Variants in AP1S2 observed in about 807,000 individuals in gnomAD.
AP1S2 encodes the protein AP-1 complex subunit sigma-2.
Under a neutral mutation model 14.3 loss-of-function variants are expected in AP1S2, and 1 was observed. That is an observed-to-expected ratio of 0.07 (90% confidence interval 0.02 to 0.33). The LOEUF (loss-of-function observed/expected upper bound fraction) is 0.33, where lower values mean the gene tolerates loss of function less well. Among genes scored for constraint, AP1S2 ranks in the 10% least tolerant of loss-of-function variants. The probability of loss-of-function intolerance (pLI) is 0.99; values close to 1 mark genes in which losing one functional copy is unlikely to be tolerated. For missense variants in AP1S2, 30 were observed against 117.7 expected, an observed-to-expected ratio of 0.25 and a Z score of 3.45; for synonymous variants, 30 against 40.5, an observed-to-expected ratio of 0.74 and a Z score of 0.99.
chrX:15,829,119 T>G (rs777874897), intron 4 of AP1S2, among the ~76,000 whole-genome samples: 5 of 111,138 alleles, frequency 4.5e-5, no homozygotes, highest in African/African-American at 1.6e-4. Flanking sequence ...TTCTTGAAGC[T>G]CAGTGATGTG....
rs1359707644 is a variant in AP1S2, at chrX:15,826,325, CTT to C, written c.*998_*999del. ...CAACTCTTTTTTGTAAGAAATGTGTCTTTTTAAATTTTTATAAGACTTCTGTT... is the reference window on the plus strand; with the variant it reads ...CAACTCTTTTTTGTAAGAAATGTGTCTTTAAATTTTTATAAGACTTCTGTT... On this transcript the variant is annotated 3_prime_UTR_variant, in exon 6 of 6. Transcript: ENST00000672987. 8.9e-6 allele frequency: 1 copy of C among 112,216 alleles called. No individual in the cohort carries two copies. The highest frequency in any genetic ancestry group is 1.9e-5 in the Non-Finnish European group (1 of 53,217). The allele number at this position is 112,216 out of a possible 1,213,427, so 9.2% of individuals were successfully genotyped here.
At position 15,826,695 on chromosome X, in the gene AP1S2, G is replaced by A. The variant is rs1169832965; in HGVS notation, c.*630C>T. 1 of 106,823 alleles carries A rather than the reference G, an allele frequency of 9.4e-6. No homozygotes were observed. The highest frequency in any genetic ancestry group is 2.9e-4 in the East Asian group (1 of 3,444). 8.8% of individuals were successfully genotyped at this position (106,823 alleles called of 1,213,427 possible). A position where few individuals can be genotyped will look rare whatever the true frequency, so the allele number is the denominator to read the frequency against. On this transcript the variant is annotated 3_prime_UTR_variant, in exon 6 of 6. Coordinates refer to ENST00000672987, the MANE Select transcript of AP1S2 (RefSeq NM_001272071.2). ...TGAAACAATCCTGTTTCTCATCCCA[G>A]ATTCAGAATGCCTAAGAAATAATTT... is the stretch of plus-strand genomic sequence containing the variant.
intron 1 of AP1S2, among the ~76,000 whole-genome samples, chrX:15,853,819 C>A (rs1335735477): frequency 9.0e-6 from 1 of 111,489 alleles, no homozygotes; most frequent in East Asian, 2.8e-4. Flanking sequence ...TAGGTGATAC[C>A]AAAGTGCCTC....
Position 15,852,984 on chromosome X carries a change from C to T in AP1S2, c.1-460G>A, listed in dbSNP as rs1360384700. 5 of 325,430 alleles carry T rather than the reference C, an allele frequency of 1.5e-5. No homozygotes were observed. In the South Asian group the frequency reaches 6.1e-4, roughly 40 times the overall value. 26.8% of individuals were successfully genotyped at this position (325,430 alleles called of 1,213,427 possible). On this transcript the variant is annotated intron_variant, in intron 1 of 5. Coordinates refer to ENST00000672987, the MANE Select transcript of AP1S2 (RefSeq NM_001272071.2). ...GCCGTTCTAGTTCCAGGGTGAATTA[C>T]TTGCAGACAGTAGCTTATGTCTTGG...
In AP1S2 at chrX:15,854,753, C is replaced by A; in HGVS notation, c.-66G>T. ...GCGGCGGCGGCGGCGAAGGGGAAGCCCCTGTCGCCGTGCTGAGGAAGAGAA... is the reference window on the plus strand; with the variant it reads ...GCGGCGGCGGCGGCGAAGGGGAAGCACCTGTCGCCGTGCTGAGGAAGAGAA... On this transcript the variant is annotated 5_prime_UTR_variant, in exon 1 of 6. Transcript: ENST00000672987. The A allele has an allele frequency of 1.2e-6, 1 of 815,524 alleles. No individual in the cohort carries two copies. Among genetic ancestry groups the A allele is most frequent in the African/African-American group, 2.2e-5 (1 of 45,016 alleles). 67.2% of individuals were successfully genotyped at this position (815,524 alleles called of 1,213,427 possible).
intron 4 of AP1S2, among the ~76,000 whole-genome samples, chrX:15,834,481 A>ATATATATATAT (rs1569080380): frequency 1.4e-3 from 18 of 12,990 alleles, no homozygotes; most frequent in Non-Finnish European, 1.8e-3. Context: ...TATATATATA[A>ATATATATATAT]TTTTTTTTTT....
At chrX:15,835,489 A>C (rs911672070) in intron 4 of AP1S2, among the ~76,000 whole-genome samples, 1 of 112,155 alleles carries the variant, frequency 8.9e-6, no homozygotes, top group Admixed American at 9.5e-5. Flanking sequence ...CAATGAATGA[A>C]AAAACAGAAG....
intron 2 of AP1S2, among the ~76,000 whole-genome samples, chrX:15,848,434 A>G (rs1186207061): frequency 8.9e-6 from 1 of 111,842 alleles, no homozygotes; most frequent in African/African-American, 3.2e-5. Context: ...CAAGTTTTAC[A>G]TTAAAAACTA....
chrX:15,838,186 C>T (rs1018991836), intron 4 of AP1S2, among the ~76,000 whole-genome samples: 17 of 111,207 alleles, frequency 1.5e-4, no homozygotes, highest in African/African-American at 5.6e-4. Flanking sequence ...CATCCTTGGT[C>T]TTCACCTACT....
intron 4 of AP1S2, chrX:15,832,269 G>A (rs1933458872): frequency 1.7e-5 from 12 of 724,677 alleles, no homozygotes; most frequent in Non-Finnish European, 1.6e-5. Context: ...ACTCTCAAAG[G>A]GATTATATCC....
chrX:15,827,224 G>T lies in AP1S2; in HGVS notation c.*101C>A. 1.2e-6 allele frequency: 1 copy of T among 844,453 alleles called. No individual in the cohort carries two copies. Among genetic ancestry groups the T allele is most frequent in the South Asian group, 2.0e-5 (1 of 49,459 alleles). 69.6% of individuals were successfully genotyped at this position (844,453 alleles called of 1,213,427 possible). A position where few individuals can be genotyped will look rare whatever the true frequency, so the allele number is the denominator to read the frequency against. On this transcript the variant is annotated 3_prime_UTR_variant, in exon 6 of 6. Transcript: ENST00000672987. ...AGCGGCTTAGCAAAACAGTAATACTGACAAGACATCATCTTACACCATGAG... is the reference window on the plus strand; with the variant it reads ...AGCGGCTTAGCAAAACAGTAATACTTACAAGACATCATCTTACACCATGAG...
intron 4 of AP1S2, chrX:15,832,927 C>T (rs1933478276): frequency 1.9e-6 from 2 of 1,070,013 alleles, no homozygotes; most frequent in African/African-American, 1.9e-5. Flanking sequence ...CATTTTGATG[C>T]ATGTCAGTAC....
intron 4 of AP1S2, chrX:15,833,081 C>A: frequency 9.7e-7 from 1 of 1,029,419 alleles, no homozygotes. Context: ...TGTCAAATAA[C>A]CTTTTGCCTA....
At chrX:15,830,424 G>A in intron 4 of AP1S2, 2 of 750,031 alleles carry the variant, frequency 2.7e-6, no homozygotes, top group Non-Finnish European at 3.1e-6. Context: ...CTGTGTACCT[G>A]CCTAATACTA....
At chrX:15,846,476 A>G (rs886821056) in intron 2 of AP1S2, among the ~76,000 whole-genome samples, 2 of 111,510 alleles carry the variant, frequency 1.8e-5, no homozygotes. Context: ...ATATACACAG[A>G]GAAGACCTTA....
At chrX:15,851,739 G>A (rs1030773931) in intron 2 of AP1S2, among the ~76,000 whole-genome samples, 5 of 111,682 alleles carry the variant, frequency 4.5e-5, no homozygotes, top group Non-Finnish European at 7.5e-5. Context: ...TAAAAAATCT[G>A]TCCTTGGAAA....
intron 2 of AP1S2, among the ~76,000 whole-genome samples, chrX:15,850,718 C>G (rs1324831239): frequency 9.1e-6 from 1 of 109,968 alleles, no homozygotes; most frequent in Non-Finnish European, 1.9e-5. Flanking sequence ...CGCCTGGGTT[C>G]AGGATCTCAC....
intron 4 of AP1S2, among the ~76,000 whole-genome samples, chrX:15,836,915 A>T (rs1004896620): frequency 3.6e-5 from 4 of 111,193 alleles, no homozygotes; most frequent in Non-Finnish European, 5.7e-5. Flanking sequence ...AAAAAGCAGA[A>T]TAATTAACTT....
intron 4 of AP1S2, chrX:15,831,944 C>T (rs1199407091): frequency 8.1e-6 from 6 of 742,691 alleles, no homozygotes; most frequent in Non-Finnish European, 9.5e-6. Context: ...TTCATTAGTT[C>T]ATTTGTATTA....
Sources: gnomAD v4.1 joint callset for allele counts (sites outside exome capture counted in the v4.1 genomes callset) on GRCh38, gnomAD v4.1.1 for gene constraint, MANE v1.5 for transcripts, NCBI Gene and HGNC (gene_info 2026-07-23, HGNC 2026-07-21) for gene names.